The following FBXO28 variants were observed in gnomAD, a reference collection of about 807,000 sequenced individuals.
The protein encoded by FBXO28 is F-box protein 28.
Under a neutral mutation model 38.1 loss-of-function variants are expected in FBXO28, and 8 were observed. The observed-to-expected ratio is 0.21, with a 90% confidence interval of 0.12 to 0.38. The LOEUF (loss-of-function observed/expected upper bound fraction) is 0.38, where lower values mean the gene tolerates loss of function less well. FBXO28 is among the 10% of genes least tolerant of loss of function. The pLI is 1.00. For synonymous variants in FBXO28, 168 were observed against 173.8 expected (o/e 0.97, Z 0.26); for missense variants, 345 against 460.6 (o/e 0.75, Z 2.30).
chr1:224,120,660 C>T (rs930305379), intron 1 of FBXO28, among the ~76,000 whole-genome samples: 8 of 151,982 alleles, frequency 5.3e-5, no homozygotes, highest in African/African-American at 1.7e-4. Flanking sequence ...GTCAGGAGTT[C>T]GAGACCAGCC....
In FBXO28 at chr1:224,114,183, C is replaced by A. The variant is rs984982179; in HGVS notation, c.54C>A (p.Gly18=). ...RMAEEGGGGQ[G]DGGSSLASGS... ...CAGAGGAAGGAGGCGGCGGCCAAGG[C>A]GACGGCGGTTCCTCTTTGGCCTCCG... Residue 18 remains glycine (G), a synonymous_variant, in exon 1 of 5, where the codon GGC becomes GGA. Transcript: ENST00000366862. The A allele has an allele frequency of 1.3e-6, 2 of 1,547,334 alleles. No individual in the cohort carries two copies. Among genetic ancestry groups the A allele is most frequent in the African/African-American group, 1.4e-5 (1 of 72,940 alleles).
chr1:224,143,067 C>A (rs906546071), intron 3 of FBXO28, among the ~76,000 whole-genome samples: 1 of 151,606 alleles, frequency 6.6e-6, no homozygotes, highest in Non-Finnish European at 1.5e-5. Context: ...AGCAACCAAG[C>A]AAGCGTGCGG....
intron 1 of FBXO28, among the ~76,000 whole-genome samples, chr1:224,122,573 ATT>A (rs1656804380): frequency 6.7e-6 from 1 of 148,230 alleles, no homozygotes; most frequent in African/African-American, 2.5e-5. Context: ...CACTTTTTTC[ATT>A]CTTTCATGCC....
At chr1:224,127,028 C>A (rs1489338272) in intron 1 of FBXO28, among the ~76,000 whole-genome samples, 1 of 150,244 alleles carries the variant, frequency 6.7e-6, no homozygotes, top group Admixed American at 6.6e-5. Flanking sequence ...TTTTTTTTTT[C>A]CCCACATGAA....
At chr1:224,117,275 C>G (rs944901986) in intron 1 of FBXO28, among the ~76,000 whole-genome samples, 25 of 139,770 alleles carry the variant, frequency 1.8e-4, no homozygotes, top group Middle Eastern at 4.6e-3. Flanking sequence ...TCAAGCGATT[C>G]TCCTGTCTCA....
Position 224,127,988 on chromosome 1 carries a change from A to G in FBXO28, c.268-2484A>G, listed in dbSNP as rs143355123. ...CTTTAATTTTGAAATTGAAAAGAAC[A>G]GTTTTCCTTAATACCCTTTTAGGAA... On this transcript the variant is annotated intron_variant, in intron 1 of 4. Coordinates refer to ENST00000366862, the MANE Select transcript of FBXO28 (RefSeq NM_015176.4). Among the ~76,000 whole-genome samples, 40 of 152,332 alleles carry G rather than the reference A, an allele frequency of 2.6e-4. No individual in the cohort carries two copies. The East Asian group carries it at 7.3e-3, about 28-fold the overall frequency.
At chr1:224,123,080 TA>T (rs3835628) in intron 1 of FBXO28, among the ~76,000 whole-genome samples, 3 of 150,822 alleles carry the variant, frequency 2.0e-5, no homozygotes, top group Non-Finnish European at 3.0e-5. Context: ...TTTCTCACTT[TA>T]AAAAAAAAGG....
intron 1 of FBXO28, among the ~76,000 whole-genome samples, chr1:224,125,678 G>A (rs1484197907): frequency 7.0e-6 from 1 of 143,444 alleles, no homozygotes; most frequent in Non-Finnish European, 1.5e-5. Flanking sequence ...GTCTCGTTCT[G>A]TCATCCAGGC....
chr1:224,143,218 CAA>C lies in FBXO28; in HGVS notation c.516+9022_516+9023del, dbSNP rs1161345004. ...TGGGTGACAGAGTGAGACTCTGTCTCAAAAAAAAAAAAAAAAAGAGAAGGAGA... is the reference window on the plus strand; with the variant it reads ...TGGGTGACAGAGTGAGACTCTGTCTCAAAAAAAAAAAAAAAGAGAAGGAGA... On this transcript the variant is annotated intron_variant, in intron 3 of 4. Coordinates refer to ENST00000366862, the MANE Select transcript of FBXO28 (RefSeq NM_015176.4). 2.6e-3 allele frequency among the ~76,000 whole-genome samples: 162 copies of C among 63,358 alleles called. 1 individual carries two copies. The highest frequency in any genetic ancestry group is 0.018 in the Admixed American group (103 of 5,660). 41.6% of individuals were successfully genotyped at this position (63,358 alleles called of 152,430 possible).
intron 3 of FBXO28, among the ~76,000 whole-genome samples, chr1:224,148,897 A>G (rs1238661109): frequency 5.9e-5 from 9 of 152,048 alleles, no homozygotes; most frequent in Non-Finnish European, 1.3e-4. Flanking sequence ...AGTTCTCTCA[A>G]CTGGATCTTA....
At chr1:224,157,298 T>C in intron 4 of FBXO28, 54 bp from the exon 5 acceptor site, 2 of 1,524,524 alleles carry the variant, frequency 1.3e-6, no homozygotes, top group Non-Finnish European at 1.8e-6. Flanking sequence ...GTGTAAGTAT[T>C]ACTGGTAGAG....
rs1372098653 is a variant in FBXO28, at chr1:224,114,190, G to C, written c.61G>C (p.Gly21Arg). Residue 21 changes from glycine to arginine, a missense_variant, in exon 1 of 5, where the codon GGT becomes CGT. Gly to Arg is a moderately radical substitution (Grantham distance 125, BLOSUM62 -2). This residue lies in a region of FBXO28 where 104 missense variants were observed against 82.0 expected (regional missense o/e 1.27). Coordinates refer to ENST00000366862, the MANE Select transcript of FBXO28 (RefSeq NM_015176.4). Reference sequence around the variant, plus strand: ...AGGAGGCGGCGGCCAAGGCGACGGCGGTTCCTCTTTGGCCTCCGGCTCTAC... The same window carrying C: ...AGGAGGCGGCGGCCAAGGCGACGGCCGTTCCTCTTTGGCCTCCGGCTCTAC... Reference protein sequence around the residue: ...EEGGGGQGDGGSSLASGSTQR... With the variant: ...EEGGGGQGDGRSSLASGSTQR... 1 of 1,547,894 alleles carries C rather than the reference G, an allele frequency of 6.5e-7. No homozygotes were observed. Among genetic ancestry groups the C allele is most frequent in the Non-Finnish European group, 8.7e-7 (1 of 1,146,162 alleles).
rs73124501 is a variant in FBXO28 at position 224,150,005 on chromosome 1, T to C, written c.517-3137T>C. Among the ~76,000 whole-genome samples the C allele has an allele frequency of 8.4e-3, 1,287 of 152,328 alleles. 22 individuals carry two copies. The highest frequency in any genetic ancestry group is 0.029 in the African/African-American group (1,223 of 41,576). On this transcript the variant is annotated intron_variant, in intron 3 of 4. Transcript: ENST00000366862. The stretch of plus-strand genomic sequence containing the variant: ...CCAGTTTGTATCTATAGATGCAACA[T>C]ATTAGCCTTTGGGGACAACATTTAA...
At chr1:224,148,555 G>A (rs1479614997) in intron 3 of FBXO28, among the ~76,000 whole-genome samples, 3 of 151,898 alleles carry the variant, frequency 2.0e-5, no homozygotes, top group African/African-American at 7.3e-5. Context: ...CCAGCTACTC[G>A]GGAGGCTGAG....
chr1:224,114,455 GAAGGGAGCGCGTTCCCC>G, intron 1 of FBXO28, 59 bp downstream of exon 1: 1 of 1,399,480 alleles, frequency 7.1e-7, no homozygotes, highest in Non-Finnish European at 9.5e-7. Context: ...TGGGAGATGA[GAAGGGAGCGCGTTCCCC>G]GGGAAGGGAG....
At chr1:224,138,015 A>G (rs541575738) in intron 3 of FBXO28, among the ~76,000 whole-genome samples, 2 of 151,784 alleles carry the variant, frequency 1.3e-5, no homozygotes, top group East Asian at 3.9e-4. Flanking sequence ...ATCACTTGAG[A>G]TCAGGAGTTC....
intron 1 of FBXO28, among the ~76,000 whole-genome samples, chr1:224,129,003 A>C (rs959695277): frequency 6.6e-6 from 1 of 150,406 alleles, no homozygotes; most frequent in African/African-American, 2.5e-5. Flanking sequence ...AAAAAAAAAA[A>C]CTATATTAAG....
At chr1:224,115,238 A>C (rs1401312756) in intron 1 of FBXO28, among the ~76,000 whole-genome samples, 1 of 152,202 alleles carries the variant, frequency 6.6e-6, no homozygotes, top group East Asian at 1.9e-4. Flanking sequence ...AGAGGTTTGA[A>C]GATGTGGTGA....
At chr1:224,149,513 A>G (rs1459731120) in intron 3 of FBXO28, among the ~76,000 whole-genome samples, 1 of 152,188 alleles carries the variant, frequency 6.6e-6, no homozygotes, top group Admixed American at 6.6e-5. Context: ...CTTGTGTTGA[A>G]TTAACCCTTT....
Sources: gnomAD v4.1 joint callset for allele counts (sites outside exome capture counted in the v4.1 genomes callset) on GRCh38, gnomAD v4.1.1 for gene constraint, gnomAD v4.1.1 regional missense constraint, MANE v1.5 for transcripts, NCBI Gene and HGNC (gene_info 2026-07-23, HGNC 2026-07-21) for gene names.